ZEB2: variants seen among roughly 807,000 people sequenced by gnomAD.
ZEB2 encodes the protein zinc finger E-box-binding homeobox 2.
In ZEB2, 6 loss-of-function variants were observed where a neutral mutation model predicts 99.9. The observed-to-expected ratio is 0.06, with a 90% CI of 0.03 to 0.12. The LOEUF is 0.12. Ranked by LOEUF, ZEB2 falls within the 10% of genes least tolerant of loss-of-function variation. The probability of loss-of-function intolerance (pLI) is 1.00; values close to 1 mark genes in which losing one functional copy is unlikely to be tolerated. For synonymous variants in ZEB2, 517 were observed against 542.5 expected (o/e 0.95, Z 0.65); for missense variants, 969 against 1,502.8 (o/e 0.64, Z 5.87).
chr2:144,466,096 C>T (rs1391169157), intron 2 of ZEB2, among the ~76,000 whole-genome samples: 1 of 152,160 alleles, frequency 6.6e-6, no homozygotes, highest in Admixed American at 6.5e-5. Context: ...CAACCAAATG[C>T]CTTTTGTCAT....
rs760007384 is a variant in ZEB2, at chr2:144,517,641, C to G, written c.-69-222G>C. On this transcript the variant is annotated intron_variant, in intron 1 of 9. Transcript: ENST00000627532. ...TGGTGTGTTGCACCCGCGAGGGGAT[C>G]AGAGAGACAAGAATTACATCTTCAA... 7.4e-6 allele frequency: 5 copies of G among 678,658 alleles called. No individual in the cohort carries two copies. In the Admixed American group the frequency reaches 8.3e-5, roughly 11 times the overall value. 42.0% of individuals were successfully genotyped at this position (678,658 alleles called of 1,614,324 possible).
chr2:144,458,467 A>G (rs1704150067), intron 2 of ZEB2, among the ~76,000 whole-genome samples: 1 of 152,090 alleles, frequency 6.6e-6, no homozygotes. Context: ...CCTGGTATTG[A>G]TTGATTATCA....
intron 2 of ZEB2, among the ~76,000 whole-genome samples, chr2:144,506,201 G>A (rs1704949123): frequency 6.6e-6 from 1 of 152,144 alleles, no homozygotes; most frequent in African/African-American, 2.4e-5. Flanking sequence ...TACTATTTTT[G>A]TTTAAGTGTA....
intron 2 of ZEB2, among the ~76,000 whole-genome samples, chr2:144,485,755 A>T (rs950199709): frequency 3.9e-5 from 6 of 152,020 alleles, no homozygotes; most frequent in Admixed American, 3.3e-4. Flanking sequence ...AGTAGCTAGG[A>T]TTACAGGCAC....
chr2:144,488,011 G>C (rs1573793857), intron 2 of ZEB2, among the ~76,000 whole-genome samples: 1 of 152,132 alleles, frequency 6.6e-6, no homozygotes, highest in African/African-American at 2.4e-5. Flanking sequence ...GGGTATCTGA[G>C]CTGCTGTCTC....
At chr2:144,463,956 T>C (rs1344235458) in intron 2 of ZEB2, 1 of 152,046 alleles carries the variant, frequency 6.6e-6, no homozygotes, top group Non-Finnish European at 1.5e-5. Context: ...AATGGATTCA[T>C]GGTACAGGAA....
intron 2 of ZEB2, among the ~76,000 whole-genome samples, chr2:144,455,363 A>G (rs1484288298): frequency 3.3e-5 from 5 of 152,100 alleles, no homozygotes; most frequent in Non-Finnish European, 7.4e-5. Flanking sequence ...CAACCTGCAC[A>G]CTGTTTTGAA....
intron 2 of ZEB2, among the ~76,000 whole-genome samples, chr2:144,498,552 G>A (rs1305361781): frequency 1.3e-5 from 2 of 152,178 alleles, no homozygotes; most frequent in Non-Finnish European, 2.9e-5. Flanking sequence ...GGAGGCAAGA[G>A]CTGGTGAAAG....
In ZEB2 at chr2:144,488,740, A is replaced by G. The variant is rs547877250; in HGVS notation, c.73+28538T>C. On this transcript the variant is annotated intron_variant, in intron 2 of 9. Coordinates refer to ENST00000627532, the MANE Select transcript of ZEB2 (RefSeq NM_014795.4). Reference sequence around the variant, plus strand: ...CTCATGGGAGACAAACTCTTGAAACAACTGAGCTCATCCATTTGTTAGGCA... The same window carrying G: ...CTCATGGGAGACAAACTCTTGAAACGACTGAGCTCATCCATTTGTTAGGCA... Among the ~76,000 whole-genome samples the G allele has an allele frequency of 2.6e-3, 399 of 151,938 alleles. 1 individual carries two copies. Among genetic ancestry groups the G allele is most frequent in the Non-Finnish European group, 4.6e-3 (311 of 67,994 alleles).
chr2:144,414,961 T>TGC (rs894991645), intron 4 of ZEB2, among the ~76,000 whole-genome samples: 4 of 148,296 alleles, frequency 2.7e-5, no homozygotes, highest in Non-Finnish European at 5.9e-5. Context: ...TGTGTGTGTG[T>TGC]GTGTGTTTGT....
At chr2:144,410,338 C>T (rs1163036619) in intron 4 of ZEB2, among the ~76,000 whole-genome samples, 2 of 152,142 alleles carry the variant, frequency 1.3e-5, no homozygotes, top group Non-Finnish European at 2.9e-5. Flanking sequence ...ATATGTTGGC[C>T]ACTCTTACTA....
intron 4 of ZEB2, among the ~76,000 whole-genome samples, chr2:144,412,002 G>C (rs1387748860): frequency 6.6e-6 from 1 of 152,256 alleles, no homozygotes; most frequent in Non-Finnish European, 1.5e-5. Flanking sequence ...GGGCACGGTG[G>C]CTTACGCCTG....
At chr2:144,474,542 A>C (rs745634752) in intron 2 of ZEB2, among the ~76,000 whole-genome samples, 7 of 152,214 alleles carry the variant, frequency 4.6e-5, no homozygotes, top group Non-Finnish European at 8.8e-5. Context: ...CTGCTACCCT[A>C]GAAGAGAAGG....
At chr2:144,453,951 G>A (rs746448557) in intron 2 of ZEB2, among the ~76,000 whole-genome samples, 2 of 152,144 alleles carry the variant, frequency 1.3e-5, no homozygotes, top group African/African-American at 2.4e-5. Context: ...TGATGACAGC[G>A]CAATGCCGTG....
At chr2:144,511,881 C>T in intron 2 of ZEB2, 2 of 1,287,160 alleles carry the variant, frequency 1.6e-6, no homozygotes, top group Non-Finnish European at 2.0e-6. Context: ...TCAACCTTCA[C>T]ATCTTGGCTA....
chr2:144,517,380 A>C lies in ZEB2; in HGVS notation c.-30T>G, dbSNP rs1560661538. The C allele has an allele frequency of 6.2e-7, 1 of 1,613,072 alleles. No homozygotes were observed. The highest frequency in any genetic ancestry group is 1.3e-5 in the African/African-American group (1 of 74,994). ...AAGAGCGGATCAGATGGCAGTTCGC[A>C]TGGACTCGGCGCCCTGCTTCGGCAG... On this transcript the variant is annotated 5_prime_UTR_variant, in exon 2 of 10. It removes an upstream start codon present in the reference 5' UTR. Transcript: ENST00000627532.
intron 4 of ZEB2, among the ~76,000 whole-genome samples, chr2:144,405,734 T>G (rs1703377328): frequency 6.6e-6 from 1 of 152,172 alleles, no homozygotes; most frequent in African/African-American, 2.4e-5. Context: ...AAATAAAAAG[T>G]AACAGAGGGA....
chr2:144,456,130 A>G (rs969359252), intron 2 of ZEB2, among the ~76,000 whole-genome samples: 1 of 150,626 alleles, frequency 6.6e-6, no homozygotes, highest in Admixed American at 6.6e-5. Flanking sequence ...TTTTTTTTTT[A>G]AAGCATTTTA....
At chr2:144,466,726 G>A (rs970707515) in intron 2 of ZEB2, among the ~76,000 whole-genome samples, 1 of 152,200 alleles carries the variant, frequency 6.6e-6, no homozygotes, top group Non-Finnish European at 1.5e-5. Context: ...AACCAGGGCA[G>A]TGCTGAAGGT....
Sources: allele counts gnomAD v4.1 joint callset (sites outside exome capture counted in the v4.1 genomes callset), GRCh38; gene constraint gnomAD v4.1.1; transcripts MANE v1.5; gene names NCBI Gene and HGNC (gene_info 2026-07-23, HGNC 2026-07-21).